TXNDC11: variants seen among roughly 807,000 people sequenced by gnomAD.
The protein encoded by TXNDC11 is thioredoxin domain-containing protein 11.
In TXNDC11, 68 loss-of-function variants were observed where a neutral mutation model predicts 78.0. The ratio of observed to expected loss-of-function variants is 0.87; its 90% CI spans 0.72 to 1.07. TXNDC11 has a LOEUF of 1.07. Among genes scored for constraint, TXNDC11 ranks in the 50% least tolerant of loss-of-function variants. The probability of loss-of-function intolerance (pLI) is 0.00; values close to 1 mark genes in which losing one functional copy is unlikely to be tolerated. For synonymous variants in TXNDC11, 571 were observed against 495.2 expected (o/e 1.15, Z -2.03); for missense variants, 1,389 against 1,221.8 (o/e 1.14, Z -2.04).
At chr16:11,680,806 C>A (rs778671512) in intron 11 of TXNDC11, among the ~76,000 whole-genome samples, 19 of 152,298 alleles carry the variant, frequency 1.2e-4, no homozygotes, top group Admixed American at 2.6e-4. Context: ...GGTAAACATT[C>A]AACCATCCCC....
intron 5 of TXNDC11, among the ~76,000 whole-genome samples, chr16:11,702,018 TAAC>T (rs2051040961): frequency 7.0e-6 from 1 of 143,758 alleles, no homozygotes; most frequent in South Asian, 2.2e-4. Flanking sequence ...CTTTTGATGT[TAAC>T]AAAAAAAAAA....
intron 6 of TXNDC11, among the ~76,000 whole-genome samples, chr16:11,699,849 CA>C (rs1313588604): frequency 2.6e-5 from 4 of 152,226 alleles, no homozygotes; most frequent in Non-Finnish European, 4.4e-5. Context: ...TAGGAAGCAG[CA>C]ACAGAGTAGA....
At position 11,688,366 on chromosome 16, in the gene TXNDC11, C is replaced by A. The variant is rs61741271; in HGVS notation, c.1980G>T (p.Pro660=). 4 of 1,614,052 alleles carry A rather than the reference C, an allele frequency of 2.5e-6. No individual in the cohort carries two copies. In the African/African-American group the frequency reaches 4.0e-5, roughly 16 times the overall value. ...HLIGSGSAQF[P]SQHLITEVTT... is the part of the protein sequence containing the mutation. ...TCACTTCAGTGATTAAATGCTGAGA[C>A]GGGAACTGGGCAGAGCCACTTCCAA... is the stretch of plus-strand genomic sequence containing the variant. The change falls in exon 9 of 12, where the codon CCG becomes CCT. Residue 660 remains proline (P), a synonymous_variant. Coordinates refer to ENST00000283033, the MANE Select transcript of TXNDC11 (RefSeq NM_015914.7).
At chr16:11,685,152 CCAG>C (rs1282964650) in intron 10 of TXNDC11, among the ~76,000 whole-genome samples, 2 of 151,960 alleles carry the variant, frequency 1.3e-5, no homozygotes, top group Non-Finnish European at 2.9e-5. Context: ...CTGTTTGAGC[CCAG>C]GAGTTCGAGA....
chr16:11,684,925 A>G (rs1033032387), intron 10 of TXNDC11, among the ~76,000 whole-genome samples: 4 of 152,240 alleles, frequency 2.6e-5, no homozygotes, highest in African/African-American at 4.8e-5. Context: ...CTATTCAGCT[A>G]CTATTCATAA....
Position 11,679,169 on chromosome 16 carries a change from C to T in TXNDC11, c.*26G>A, listed in dbSNP as rs1413188495. On this transcript the variant is annotated 3_prime_UTR_variant, in exon 12 of 12. Transcript: ENST00000283033. The surrounding 1 kb of genome is among the most constrained non-coding windows in gnomAD (Gnocchi z 4.6). ...TATTCCCAATGTACAATTTTCACCT[C>T]TGATTTCTTCATATCATTTAAAAAG... 6.2e-7 allele frequency: 1 copy of T among 1,604,808 alleles called. No homozygotes were observed. The highest frequency in any genetic ancestry group is 2.2e-5 in the East Asian group (1 of 44,824).
intron 2 of TXNDC11, among the ~76,000 whole-genome samples, 183 bp downstream of exon 2, chr16:11,735,834 A>T (rs192393838): frequency 5.3e-5 from 8 of 152,322 alleles, no homozygotes; most frequent in Admixed American, 5.2e-4. Context: ...CTTGCCTTGG[A>T]GTACAATCGC....
chr16:11,699,792 G>A (rs1189490062), intron 6 of TXNDC11, among the ~76,000 whole-genome samples: 1 of 152,226 alleles, frequency 6.6e-6, no homozygotes, highest in African/African-American at 2.4e-5. Context: ...TGACAGTGAT[G>A]CGAGAGAGAC....
In TXNDC11 at chr16:11,688,349, G is replaced by C. The variant is rs375686511; in HGVS notation, c.1997C>G (p.Thr666Ser). ...CCAAAAGGTATCAGTTGTCACTTCAGTGATTAAATGCTGAGACGGGAACTG... is the reference window on the plus strand; with the variant it reads ...CCAAAAGGTATCAGTTGTCACTTCACTGATTAAATGCTGAGACGGGAACTG... ...SAQFPSQHLI[T>S]EVTTDTFWEV... The change falls in exon 9 of 12, where the codon ACT (threonine) becomes AGT (serine). Residue 666 changes from threonine (T) to serine (S), a missense_variant. Thr to Ser is a moderately conservative substitution (Grantham distance 58). Coordinates refer to ENST00000283033, the MANE Select transcript of TXNDC11 (RefSeq NM_015914.7). The C allele has an allele frequency of 7.4e-6, 12 of 1,614,190 alleles. No homozygotes were observed. Among genetic ancestry groups the C allele is most frequent in the Non-Finnish European group, 9.3e-6 (11 of 1,180,028 alleles).
At chr16:11,729,254 G>C (rs529821271) in intron 4 of TXNDC11, among the ~76,000 whole-genome samples, 1 of 152,136 alleles carries the variant, frequency 6.6e-6, no homozygotes, top group African/African-American at 2.4e-5. Context: ...GTGCCAAAGG[G>C]ATCAGGCCCC....
rs74688750 is a variant in TXNDC11 at position 11,708,521 on chromosome 16, C to T, written c.794-7957G>A. Among the ~76,000 whole-genome samples, 206 of 152,272 alleles carry T rather than the reference C, an allele frequency of 1.4e-3. 1 individual carries two copies. The highest frequency in any genetic ancestry group is 2.4e-3 in the Admixed American group (37 of 15,294). On this transcript the variant is annotated intron_variant, in intron 5 of 11. Coordinates refer to ENST00000283033, the MANE Select transcript of TXNDC11 (RefSeq NM_015914.7). Reference sequence around the variant, plus strand: ...CTCCAGGTCTGAACAATGTGGAATTCCTTACATTAGGGAAGGTCATCTGCT... The same window carrying T: ...CTCCAGGTCTGAACAATGTGGAATTTCTTACATTAGGGAAGGTCATCTGCT...
At chr16:11,715,388 T>C (rs1050663013) in intron 5 of TXNDC11, among the ~76,000 whole-genome samples, 1 of 150,954 alleles carries the variant, frequency 6.6e-6, no homozygotes, top group African/African-American at 2.4e-5. Context: ...AGGCAGAATC[T>C]GATTGCTTGA....
intron 5 of TXNDC11, among the ~76,000 whole-genome samples, chr16:11,708,247 A>G (rs2051240709): frequency 6.6e-6 from 1 of 152,232 alleles, no homozygotes; most frequent in Non-Finnish European, 1.5e-5. Context: ...AGTCTTAATA[A>G]TTGGCACTTA....
At chr16:11,702,035 G>C (rs1195057510) in intron 5 of TXNDC11, among the ~76,000 whole-genome samples, 1 of 147,394 alleles carries the variant, frequency 6.8e-6, no homozygotes, top group Non-Finnish European at 1.5e-5. Flanking sequence ...AAAAAAAAAA[G>C]AACTCACACT....
At chr16:11,707,804 G>A (rs994599826) in intron 5 of TXNDC11, among the ~76,000 whole-genome samples, 1 of 152,008 alleles carries the variant, frequency 6.6e-6, no homozygotes, top group Admixed American at 6.5e-5. Context: ...AAATTAGGCT[G>A]GGTATGGTAG....
chr16:11,696,740 G>A (rs768684447), intron 7 of TXNDC11, among the ~76,000 whole-genome samples: 1 of 152,166 alleles, frequency 6.6e-6, no homozygotes, highest in Non-Finnish European at 1.5e-5. Flanking sequence ...CTGTTGGTAG[G>A]TGGAGGATTT....
chr16:11,734,469 C>T (rs1363208297), intron 2 of TXNDC11, among the ~76,000 whole-genome samples: 1 of 152,202 alleles, frequency 6.6e-6, no homozygotes, highest in Non-Finnish European at 1.5e-5. Flanking sequence ...ACCCCCACCA[C>T]TACGTGATGG....
rs766566898 is a variant in TXNDC11, at chr16:11,687,847, G to C, written c.2153+10C>G. On this transcript the variant is annotated intron_variant, in intron 10 of 11. Coordinates refer to ENST00000283033, the MANE Select transcript of TXNDC11 (RefSeq NM_015914.7). The stretch of plus-strand genomic sequence containing the variant: ...TACAGCCCAAAGCGCTGCAGAAGAG[G>C]CCTGCTTACCTTGCCACAGTGAATG... 7 of 1,588,918 alleles carry C rather than the reference G, an allele frequency of 4.4e-6. No homozygotes were observed. The highest frequency in any genetic ancestry group is 1.7e-4 in the Middle Eastern group (1 of 6,024).
At chr16:11,733,444 G>A (rs956010746) in intron 3 of TXNDC11, among the ~76,000 whole-genome samples, 2 of 150,686 alleles carry the variant, frequency 1.3e-5, no homozygotes, top group Admixed American at 6.6e-5. Flanking sequence ...GGAGAATGGC[G>A]TGAATCCGGG....
Sources: gnomAD v4.1 joint callset for allele counts (sites outside exome capture counted in the v4.1 genomes callset) on GRCh38, gnomAD v4.1.1 for gene constraint, Gnocchi (gnomAD v3.1) non-coding constraint, MANE v1.5 for transcripts, NCBI Gene and HGNC (gene_info 2026-07-23, HGNC 2026-07-21) for gene names.